The following DNAH12 variants were observed in gnomAD, a reference collection of about 807,000 sequenced individuals.
DNAH12 encodes dynein axonemal heavy chain 12.
Under a neutral mutation model 371.5 loss-of-function variants are expected in DNAH12, and 285 were observed. The observed-to-expected ratio is 0.77, with a 90% CI of 0.70 to 0.85. The LOEUF (loss-of-function observed/expected upper bound fraction) is 0.85, where lower values mean the gene tolerates loss of function less well. DNAH12 is among the 40% of genes least tolerant of loss of function. The pLI is 0.00. For synonymous variants in DNAH12, 1,200 were observed against 1,213.0 expected (o/e 0.99, Z 0.22); for missense variants, 3,611 against 3,689.4 (o/e 0.98, Z 0.55).
Position 57,386,542 on chromosome 3 carries a change from C to T in DNAH12, c.7501G>A (p.Gly2501Ser), listed in dbSNP as rs2063502688. 1 of 152,114 alleles carries T rather than the reference C, an allele frequency of 6.6e-6. No homozygotes were observed. The highest frequency in any genetic ancestry group is 2.4e-5 in the African/African-American group (1 of 41,428). The allele number at this position is 152,114 out of a possible 1,614,324, so 9.4% of individuals were successfully genotyped here. A position where few individuals can be genotyped will look rare whatever the true frequency, so the allele number is the denominator to read the frequency against. The change falls in exon 47 of 74, where the codon GGC (glycine) becomes AGC (serine). Residue 2501 changes from glycine (G) to serine (S), a missense_variant. Physicochemically the swap from Gly to Ser is moderately conservative, Grantham distance 56. Coordinates refer to ENST00000495027, the MANE Select transcript of DNAH12 (RefSeq NM_001366028.2). ...VTATSYLELI[G>S]SFRQLLTQKR... The stretch of plus-strand genomic sequence containing the variant: ...TGTGTCAAAAGCTGTCGAAATGAGC[C>T]AATGAGTTCAAGATAAGAAGTAGCA...
At chr3:57,408,641 A>C in intron 39 of DNAH12, 106 bp from the exon 40 acceptor site, 1 of 1,315,388 alleles carries the variant, frequency 7.6e-7, no homozygotes, top group Non-Finnish European at 9.9e-7. Flanking sequence ...GCTTCTCTAA[A>C]AGGAATAACT....
At chr3:57,379,842 C>CA (rs1170490495) in intron 51 of DNAH12, among the ~76,000 whole-genome samples, 6,256 of 22,324 alleles carry the variant, frequency 0.28, 2,324 homozygotes, top group Non-Finnish European at 0.32. Context: ...CTCTGTCTCC[C>CA]AAAAAAAAAA....
chr3:57,330,220 C>T (rs1436272123), intron 62 of DNAH12, among the ~76,000 whole-genome samples: 1 of 151,608 alleles, frequency 6.6e-6, no homozygotes, highest in Non-Finnish European at 1.5e-5. Context: ...TGGGTATATA[C>T]CCAAAGGACT....
intron 57 of DNAH12, among the ~76,000 whole-genome samples, chr3:57,365,911 T>A (rs2063042550): frequency 6.6e-6 from 1 of 151,908 alleles, no homozygotes; most frequent in Admixed American, 6.6e-5. Context: ...ATAGCATAGA[T>A]TCCTAGGGGT....
At chr3:57,309,571 C>T in intron 68 of DNAH12, 95 bp downstream of exon 68, 1 of 1,205,110 alleles carries the variant, frequency 8.3e-7, no homozygotes, top group Non-Finnish European at 1.1e-6. Context: ...AGTTCTTGCT[C>T]AAGATCATAA....
chr3:57,405,162 TCAA>T lies in DNAH12; in HGVS notation c.6577-18_6577-16del, dbSNP rs2063986291. ...TCTTCAGTTACCTATAGAAAGGAAA[TCAA>T]CAAATTTTAAAACTTAAAACATTTA... On this transcript the variant is annotated splice_polypyrimidine_tract_variant and intron_variant, in intron 41 of 73. Coordinates refer to ENST00000495027, the MANE Select transcript of DNAH12 (RefSeq NM_001366028.2). The T allele has an allele frequency of 1.3e-6, 2 of 1,487,516 alleles. No homozygotes were observed. The highest frequency in any genetic ancestry group is 1.4e-5 in the South Asian group (1 of 71,248). The allele number at this position is 1,487,516 out of a possible 1,614,324, so 92.1% of individuals were successfully genotyped here. A position where few individuals can be genotyped will look rare whatever the true frequency, so the allele number is the denominator to read the frequency against.
Position 57,437,004 on chromosome 3 carries a change from T to G in DNAH12, c.4602A>C (p.Lys1534Asn). The change falls in exon 30 of 74, where the codon AAA (lysine) becomes AAC (asparagine). Residue 1534 changes from lysine to asparagine, a missense_variant. Around this residue, in one of 3 missense-constraint regions of DNAH12, gnomAD observed 2,266 missense variants for 2,236.9 expected, o/e 1.01. Coordinates refer to ENST00000495027, the MANE Select transcript of DNAH12 (RefSeq NM_001366028.2). ...ACNVHNLQPV[K>N]FFLEKIIQTY... The stretch of plus-strand genomic sequence containing the variant: ...TTTGAATTATTTTTTCAAGAAAAAA[T>G]TTAACAGGCTGAAGATTATGTACAT... 12 of 1,512,696 alleles carry G rather than the reference T, an allele frequency of 7.9e-6. No individual in the cohort carries two copies. Among genetic ancestry groups the G allele is most frequent in the Non-Finnish European group, 1.1e-5 (12 of 1,137,244 alleles). The allele number at this position is 1,512,696 out of a possible 1,614,324, so 93.7% of individuals were successfully genotyped here.
rs2065957380 is a variant in DNAH12, at chr3:57,458,255, T to A, written c.2932-35A>T. The A allele has an allele frequency of 4.0e-6, 6 of 1,517,252 alleles. No individual in the cohort carries two copies. In the Admixed American group the frequency reaches 9.8e-5, roughly 25 times the overall value. 94.0% of individuals were successfully genotyped at this position (1,517,252 alleles called of 1,614,324 possible). A position where few individuals can be genotyped will look rare whatever the true frequency, so the allele number is the denominator to read the frequency against. On this transcript the variant is annotated intron_variant, in intron 20 of 73. Coordinates refer to ENST00000495027, the MANE Select transcript of DNAH12 (RefSeq NM_001366028.2). ...ACACATGCATTCAAGTCAGCACTTT[T>A]ATGCCAGATATAATTATGACTTAAA...
At chr3:57,473,516 A>G (rs2066430141) in intron 13 of DNAH12, among the ~76,000 whole-genome samples, 1 of 151,988 alleles carries the variant, frequency 6.6e-6, no homozygotes, top group African/African-American at 2.4e-5. Flanking sequence ...GTGAGTTGCA[A>G]AGAAAAAAAA....
chr3:57,345,250 A>G (rs1043451482), intron 60 of DNAH12, among the ~76,000 whole-genome samples: 6 of 152,158 alleles, frequency 3.9e-5, no homozygotes, highest in Admixed American at 6.5e-5. Context: ...AATATCAAAC[A>G]ATTCCATTTT....
intron 13 of DNAH12, among the ~76,000 whole-genome samples, chr3:57,476,723 T>C (rs923054935): frequency 3.3e-5 from 5 of 152,248 alleles, no homozygotes; most frequent in African/African-American, 2.4e-5. Context: ...ATTCATGTTT[T>C]ACGTAATTTT....
chr3:57,510,459 T>C (rs1039372586), intron 5 of DNAH12, among the ~76,000 whole-genome samples: 4 of 151,882 alleles, frequency 2.6e-5, no homozygotes, highest in Admixed American at 2.6e-4. Flanking sequence ...GTCAACATGG[T>C]GAAACTACAT....
intron 4 of DNAH12, among the ~76,000 whole-genome samples, chr3:57,512,982 C>A (rs1457622226): frequency 1.3e-5 from 2 of 151,768 alleles, no homozygotes; most frequent in Non-Finnish European, 2.9e-5. Context: ...ACTAAAAATA[C>A]AAAAAAATTA....
intron 13 of DNAH12, among the ~76,000 whole-genome samples, chr3:57,477,414 C>T (rs989333189): frequency 7.2e-5 from 11 of 152,132 alleles, no homozygotes; most frequent in African/African-American, 1.4e-4. Context: ...ACTAGGTAAA[C>T]GAAGTGGCCG....
At chr3:57,451,027 A>G (rs761876634) in intron 25 of DNAH12, among the ~76,000 whole-genome samples, 2 of 152,224 alleles carry the variant, frequency 1.3e-5, no homozygotes, top group Admixed American at 1.3e-4. Flanking sequence ...CGTGCCATTC[A>G]TGCTTCAGAG....
chr3:57,354,899 T>A (rs1329224586), intron 59 of DNAH12, among the ~76,000 whole-genome samples: 2 of 152,166 alleles, frequency 1.3e-5, no homozygotes, highest in Non-Finnish European at 2.9e-5. Flanking sequence ...ATGATTCTAT[T>A]TATATAAAAT....
rs771384683 is a variant in DNAH12, at chr3:57,509,214, TA to T, written c.470-3del. ...GTGGTTTCACAAGAACGCTCTGCACTAAAATACATGGATATATTAATGCTTC... is the reference window on the plus strand; with the variant it reads ...GTGGTTTCACAAGAACGCTCTGCACTAAATACATGGATATATTAATGCTTC... On this transcript the variant is annotated splice_region_variant and splice_polypyrimidine_tract_variant and intron_variant, in intron 5 of 73. Transcript: ENST00000495027. 14 of 1,611,982 alleles carry T rather than the reference TA, an allele frequency of 8.7e-6. No homozygotes were observed. In the South Asian group the frequency reaches 1.5e-4, roughly 18 times the overall value.
At position 57,333,329 on chromosome 3, in the gene DNAH12, C is replaced by CTTTTT. The variant is rs34135477; in HGVS notation, c.9978+1131_9978+1135dup. 6.7e-3 allele frequency among the ~76,000 whole-genome samples: 749 copies of CTTTTT among 111,050 alleles called. 79 individuals carry two copies. Among genetic ancestry groups the CTTTTT allele is most frequent in the African/African-American group, 0.033 (722 of 21,892 alleles). The allele number at this position is 111,050 out of a possible 152,430, so 72.9% of individuals were successfully genotyped here. Reference sequence around the variant, plus strand: ...CGGATACATGTTCTTTTTAAGGCAACTTTTTTTTTTTTTTTTTTTTAGATG... The same window carrying CTTTTT: ...CGGATACATGTTCTTTTTAAGGCAACTTTTTTTTTTTTTTTTTTTTTTTTTAGATG... On this transcript the variant is annotated intron_variant, in intron 62 of 73. Coordinates refer to ENST00000495027, the MANE Select transcript of DNAH12 (RefSeq NM_001366028.2).
chr3:57,474,406 C>G (rs1413072418), intron 13 of DNAH12, among the ~76,000 whole-genome samples: 3 of 152,134 alleles, frequency 2.0e-5, no homozygotes, highest in Non-Finnish European at 4.4e-5. Flanking sequence ...AAGCGATTCT[C>G]TTGCCTCAGC....
Sources: allele counts gnomAD v4.1 joint callset (sites outside exome capture counted in the v4.1 genomes callset), GRCh38; gene constraint gnomAD v4.1.1; regional missense constraint gnomAD v4.1.1; transcripts MANE v1.5; gene names NCBI Gene and HGNC (gene_info 2026-07-23, HGNC 2026-07-21).